The following CEP104 variants were observed in gnomAD, a reference collection of about 807,000 sequenced individuals.
The protein encoded by CEP104 is centrosomal protein of 104 kDa.
In CEP104, 84 loss-of-function variants were observed where a neutral mutation model predicts 113.3. The ratio of observed to expected loss-of-function variants is 0.74; its 90% CI spans 0.62 to 0.89. The LOEUF (loss-of-function observed/expected upper bound fraction) is 0.89, where lower values mean the gene tolerates loss of function less well. CEP104 is among the 40% of genes least tolerant of loss of function. The probability of loss-of-function intolerance (pLI) is 0.00; values close to 1 mark genes in which losing one functional copy is unlikely to be tolerated. For synonymous variants in CEP104, 378 were observed against 421.7 expected (o/e 0.90, Z 1.27); for missense variants, 1,053 against 1,156.6 (o/e 0.91, Z 1.30).
rs763522630 is a variant in CEP104, at chr1:3,829,373, C to A, written c.2044G>T (p.Ala682Ser). ...TCTTCTGTAGCCGCTTTTCTCCGTG[C>A]CTGGTAAGAAAATTATTTTTCCATT... ...DGRATDAEMR[A>S]RRKAATEEAE... Residue 682 changes from alanine (A) to serine (S), a missense_variant and splice_region_variant, in exon 15 of 22, where the codon GCA becomes TCA. Transcript: ENST00000378230. The A allele has an allele frequency of 6.2e-7, 1 of 1,606,364 alleles. No homozygotes were observed. Among genetic ancestry groups the A allele is most frequent in the East Asian group, 2.3e-5 (1 of 44,420 alleles).
Position 3,829,315 on chromosome 1 carries a change from G to C in CEP104, c.2102C>G (p.Ala701Gly). The change falls in exon 15 of 22, where the codon GCT becomes GGT. Residue 701 changes from alanine (A) to glycine (G), a missense_variant. Transcript: ENST00000378230. ...CAGTGCTGCCAGCTGCCCTTGTAAA[G>C]CTTTTATTTCTTCTTTCTTTTGTTT... Reference protein sequence around the residue: ...AEKQKKEEIKALQGQLAALKE... With the variant: ...AEKQKKEEIKGLQGQLAALKE... 1 of 1,601,856 alleles carries C rather than the reference G, an allele frequency of 6.2e-7. No homozygotes were observed. The highest frequency in any genetic ancestry group is 8.5e-7 in the Non-Finnish European group (1 of 1,177,644).
intron 2 of CEP104, among the ~76,000 whole-genome samples, chr1:3,851,362 T>C (rs1256414839): frequency 6.6e-6 from 1 of 152,144 alleles, no homozygotes; most frequent in Non-Finnish European, 1.5e-5. Flanking sequence ...TTCAGCAACT[T>C]GACTTCTGAA....
At position 3,823,446 on chromosome 1, in the gene CEP104, G is replaced by A; in HGVS notation, c.2481C>T (p.His827=). 1 of 1,614,230 alleles carries A rather than the reference G, an allele frequency of 6.2e-7. No homozygotes were observed. Among genetic ancestry groups the A allele is most frequent in the South Asian group, 1.1e-5 (1 of 91,086 alleles). ...EAVFKEELPR[H]IKHKDCNPAK... ...CACGGTTGCAATCCTTGTGTTTTAT[G>A]TGTCTGGGCAGCTCTTCCTTGAAAA... is the stretch of plus-strand genomic sequence containing the variant. The change falls in exon 19 of 22, where the codon CAC becomes CAT. Residue 827 remains histidine, a synonymous_variant. Coordinates refer to ENST00000378230, the MANE Select transcript of CEP104 (RefSeq NM_014704.4). The surrounding 1 kb of genome is among the most constrained non-coding windows in gnomAD (Gnocchi z 4.1).
intron 6 of CEP104, among the ~76,000 whole-genome samples, chr1:3,841,379 C>T (rs1208610657): frequency 6.6e-6 from 1 of 152,218 alleles, no homozygotes; most frequent in African/African-American, 2.4e-5. Flanking sequence ...CAGCTCTGAA[C>T]TGTGTCTAAT....
rs2124627990 is a variant in CEP104 at position 3,815,163 on chromosome 1, G to A, written c.*239C>T. 1.9e-6 allele frequency: 1 copy of A among 517,180 alleles called. No individual in the cohort carries two copies. Among genetic ancestry groups the A allele is most frequent in the Non-Finnish European group, 3.5e-6 (1 of 289,526 alleles). 32.0% of individuals were successfully genotyped at this position (517,180 alleles called of 1,614,324 possible). On this transcript the variant is annotated 3_prime_UTR_variant, in exon 22 of 22. Coordinates refer to ENST00000378230, the MANE Select transcript of CEP104 (RefSeq NM_014704.4). ...TCTAAGGAAGGCCTGAGACAGCCCT[G>A]AAGGCTTAATGTACAGTGCGGCCAG...
rs1643845347 is a variant in CEP104, at chr1:3,814,595, T to C, written c.*807A>G. ...AACAGTGACTTCCTCCACATGTCTTTAGGAATTCGAAAGTGTGGAGAAAGT... is the reference window on the plus strand; with the variant it reads ...AACAGTGACTTCCTCCACATGTCTTCAGGAATTCGAAAGTGTGGAGAAAGT... On this transcript the variant is annotated 3_prime_UTR_variant, in exon 22 of 22. Transcript: ENST00000378230. 2.0e-5 allele frequency: 3 copies of C among 152,286 alleles called. No individual in the cohort carries two copies. Among genetic ancestry groups the C allele is most frequent in the Admixed American group, 1.3e-4 (2 of 15,300 alleles). 9.4% of individuals were successfully genotyped at this position (152,286 alleles called of 1,614,324 possible).
chr1:3,815,091 G>A lies in CEP104; in HGVS notation c.*311C>T, dbSNP rs1570754644. 2 of 206,418 alleles carry A rather than the reference G, an allele frequency of 9.7e-6. No individual in the cohort carries two copies. The highest frequency in any genetic ancestry group is 7.8e-6 in the Non-Finnish European group (1 of 127,412). 12.8% of individuals were successfully genotyped at this position (206,418 alleles called of 1,614,324 possible). ...CCGTGGCCTTGCGCGAGCGCCTCCC[G>A]GCGGTGCTCTCTGGCTCTCTCCAAA... On this transcript the variant is annotated 3_prime_UTR_variant, in exon 22 of 22. Coordinates refer to ENST00000378230, the MANE Select transcript of CEP104 (RefSeq NM_014704.4).
chr1:3,850,160 G>A (rs186538189), intron 2 of CEP104, among the ~76,000 whole-genome samples: 648 of 152,304 alleles, frequency 4.3e-3, no homozygotes, highest in African/African-American at 0.015. Context: ...GCATTTCTCA[G>A]AAAGAATGTC....
At chr1:3,849,477 C>T (rs559666712) in intron 2 of CEP104, among the ~76,000 whole-genome samples, 1 of 152,228 alleles carries the variant, frequency 6.6e-6, no homozygotes, top group South Asian at 2.1e-4. Flanking sequence ...GGGATCCTCC[C>T]CCTTCGGCCT....
intron 6 of CEP104, among the ~76,000 whole-genome samples, chr1:3,840,356 C>A (rs1050158097): frequency 6.6e-6 from 1 of 152,084 alleles, no homozygotes; most frequent in Non-Finnish European, 1.5e-5. Flanking sequence ...CCTGCCTCAG[C>A]CTCCTGAGTA....
chr1:3,819,471 G>A lies in CEP104; in HGVS notation c.2572-3101C>T, dbSNP rs1315215570. ...GTGCAGACTAGATCTCCATGAAGCT[G>A]TTAAAAACAGGTGATCTTAATGAGT... is the stretch of plus-strand genomic sequence containing the variant. On this transcript the variant is annotated intron_variant, in intron 20 of 21. Transcript: ENST00000378230. This position sits in a 1 kb window ranked among gnomAD's most constrained non-coding sequence, Gnocchi z 4.6. 1.3e-5 allele frequency among the ~76,000 whole-genome samples: 2 copies of A among 152,212 alleles called. No homozygotes were observed. Among genetic ancestry groups the A allele is most frequent in the Non-Finnish European group, 1.5e-5 (1 of 68,032 alleles).
chr1:3,847,535 T>A lies in CEP104; in HGVS notation c.366A>T (p.Gly122=). The stretch of plus-strand genomic sequence containing the variant: ...GGTGAAAAATCAGTTTAAGAAATTG[T>A]CCTACTGCATCCACATAAACTGATT... ...ELKSVYVDAV[G]QFLKLIFHQN... is the part of the protein sequence containing the mutation. Residue 122 remains glycine, a synonymous_variant, in exon 4 of 22, where the codon GGA becomes GGT. Transcript: ENST00000378230. 2 of 1,612,686 alleles carry A rather than the reference T, an allele frequency of 1.2e-6. No homozygotes were observed. The highest frequency in any genetic ancestry group is 1.7e-6 in the Non-Finnish European group (2 of 1,179,194).
intron 4 of CEP104, among the ~76,000 whole-genome samples, chr1:3,845,829 T>C (rs1467062395): frequency 6.6e-6 from 1 of 152,216 alleles, no homozygotes; most frequent in African/African-American, 2.4e-5. Flanking sequence ...GCCTCATGCC[T>C]GTAATCCCAT....
intron 3 of CEP104, 93 bp downstream of exon 3, chr1:3,848,515 C>T: frequency 9.9e-7 from 1 of 1,012,714 alleles, no homozygotes; most frequent in East Asian, 2.6e-5. Flanking sequence ...CTGGGTGACA[C>T]AGCGAGACTC....
Position 3,838,945 on chromosome 1 carries a change from T to C in CEP104, c.891+19A>G. ...TTCTCCTAGGCTTTCCTCCACTCCG[T>C]CTGGGCTCCTGCACCCACCAGCTCG... On this transcript the variant is annotated intron_variant, in intron 8 of 21. Coordinates refer to ENST00000378230, the MANE Select transcript of CEP104 (RefSeq NM_014704.4). The C allele has an allele frequency of 6.2e-7, 1 of 1,613,610 alleles. No individual in the cohort carries two copies. Among genetic ancestry groups the C allele is most frequent in the African/African-American group, 1.3e-5 (1 of 75,044 alleles).
At chr1:3,826,867 G>C (rs1570784470) in intron 15 of CEP104, 123 bp from the exon 16 acceptor site, 9 of 963,110 alleles carry the variant, frequency 9.3e-6, no homozygotes, top group African/African-American at 8.4e-5. Context: ...ATTTCTACTG[G>C]CTGGCAAGGT....
At chr1:3,850,912 G>C (rs150816530) in intron 2 of CEP104, among the ~76,000 whole-genome samples, 2 of 152,232 alleles carry the variant, frequency 1.3e-5, no homozygotes, top group South Asian at 2.1e-4. Context: ...GTGTATACTT[G>C]AGAATCTTCA....
At chr1:3,825,916 A>C (rs1644081378) in intron 17 of CEP104, 50 bp from the exon 18 acceptor site, 7 of 1,263,586 alleles carry the variant, frequency 5.5e-6, no homozygotes, top group Non-Finnish European at 8.1e-6. Flanking sequence ...AGTTCCACTG[A>C]TGGCCGTTCC....
At chr1:3,840,415 T>G (rs1431555632) in intron 6 of CEP104, among the ~76,000 whole-genome samples, 5 of 152,164 alleles carry the variant, frequency 3.3e-5, no homozygotes, top group Non-Finnish European at 7.3e-5. Context: ...TTTTGTATTT[T>G]TTAGTATAGA....
Sources: allele counts gnomAD v4.1 joint callset (sites outside exome capture counted in the v4.1 genomes callset), GRCh38; gene constraint gnomAD v4.1.1; non-coding constraint Gnocchi (gnomAD v3.1); transcripts MANE v1.5; gene names NCBI Gene and HGNC (gene_info 2026-07-23, HGNC 2026-07-21).